The following EYS variants were observed in gnomAD, a reference collection of about 807,000 sequenced individuals.
EYS encodes the protein protein eyes shut homolog.
In EYS, 250 loss-of-function variants were observed where a neutral mutation model predicts 282.1. The ratio of observed to expected loss-of-function variants is 0.89; its 90% CI spans 0.80 to 0.98. The LOEUF is 0.98. EYS is among the 50% of genes least tolerant of loss of function. The pLI is 0.00. For missense variants in EYS, 4,016 were observed against 3,709.0 expected, an observed-to-expected ratio of 1.08 and a Z score of -2.15; for synonymous variants, 1,355 against 1,282.9, an observed-to-expected ratio of 1.06 and a Z score of -1.20.
chr6:64,307,298 G>A lies in EYS; in HGVS notation c.6079-216C>T, dbSNP rs115886101. On this transcript the variant is annotated intron_variant, in intron 29 of 42. Transcript: ENST00000503581. Reference sequence around the variant, plus strand: ...TATCTTGGCTATTATGAATAATGCTGCAATGAACATGGGCAAAATTATAAA... The same window carrying A: ...TATCTTGGCTATTATGAATAATGCTACAATGAACATGGGCAAAATTATAAA... Among the ~76,000 whole-genome samples the A allele has an allele frequency of 0.015, 2,271 of 152,082 alleles. 15 individuals carry two copies. Among genetic ancestry groups the A allele is most frequent in the East Asian group, 0.033 (170 of 5,178 alleles).
intron 29 of EYS, among the ~76,000 whole-genome samples, chr6:64,357,523 G>A (rs1723206051): frequency 6.6e-6 from 1 of 151,500 alleles, no homozygotes; most frequent in Non-Finnish European, 1.5e-5. Flanking sequence ...GACATATCTG[G>A]CTAACTTACC....
chr6:65,605,167 A>G (rs890609035), intron 2 of EYS, among the ~76,000 whole-genome samples: 5 of 151,798 alleles, frequency 3.3e-5, no homozygotes, highest in Non-Finnish European at 7.4e-5. Context: ...TGAAATTTTC[A>G]TAATAAAATG....
chr6:63,733,859 T>A (rs1193607088), intron 41 of EYS, among the ~76,000 whole-genome samples: 1 of 152,110 alleles, frequency 6.6e-6, no homozygotes, highest in Admixed American at 6.6e-5. Context: ...CTCCATCTTA[T>A]AAGGCAGTAA....
intron 13 of EYS, among the ~76,000 whole-genome samples, chr6:65,045,753 G>T (rs1447172136): frequency 6.6e-6 from 1 of 151,818 alleles, no homozygotes; most frequent in Non-Finnish European, 1.5e-5. Context: ...TGAAATATTT[G>T]CTAAGAGGTT....
chr6:64,062,874 C>G (rs1771226653), intron 33 of EYS, among the ~76,000 whole-genome samples: 1 of 151,994 alleles, frequency 6.6e-6, no homozygotes, highest in Non-Finnish European at 1.5e-5. Context: ...CAAATTAAAA[C>G]TTCAAAGAGT....
chr6:65,682,864 A>T (rs972266156), intron 1 of EYS, among the ~76,000 whole-genome samples: 17 of 152,120 alleles, frequency 1.1e-4, no homozygotes, highest in Non-Finnish European at 2.1e-4. Context: ...CTGAGGGAAC[A>T]GTAAATACCA....
At chr6:63,967,380 C>G (rs1395514143) in intron 35 of EYS, among the ~76,000 whole-genome samples, 1 of 152,168 alleles carries the variant, frequency 6.6e-6, no homozygotes, top group African/African-American at 2.4e-5. Flanking sequence ...TAATTGTGGA[C>G]TACTGTGTAG....
intron 12 of EYS, among the ~76,000 whole-genome samples, chr6:65,263,679 C>A (rs1374475493): frequency 6.8e-6 from 1 of 147,410 alleles, no homozygotes; most frequent in Non-Finnish European, 1.5e-5. Flanking sequence ...GAACTTCAAC[C>A]TAAAAAGCAA....
rs1562066227 is a variant in EYS at position 63,863,680 on chromosome 6, T to TTTTCTTTTCTTTC, written c.7228+505_7228+506insGAAAGAAAAGAAA. ...TTTCTTTTCTTTTCTTTTTTCTTTT[T>TTTTCTTTTCTTTC]TTTTTTTTTTTTTGAGATGGAGTCT... On this transcript the variant is annotated intron_variant, in intron 36 of 42. Coordinates refer to ENST00000503581, the MANE Select transcript of EYS (RefSeq NM_001142800.2). 3.3e-4 allele frequency among the ~76,000 whole-genome samples: 41 copies of TTTTCTTTTCTTTC among 125,462 alleles called. 2 individuals carry two copies. The highest frequency in any genetic ancestry group is 4.1e-3 in the Middle Eastern group (1 of 244). 82.3% of individuals were successfully genotyped at this position (125,462 alleles called of 152,430 possible).
chr6:64,914,281 C>T (rs1344096943), intron 15 of EYS, among the ~76,000 whole-genome samples: 1 of 152,036 alleles, frequency 6.6e-6, no homozygotes, highest in Non-Finnish European at 1.5e-5. Context: ...GAACTTGTGT[C>T]AATTTGTGGG....
At chr6:64,044,237 A>G (rs1402538067) in intron 33 of EYS, among the ~76,000 whole-genome samples, 1 of 152,232 alleles carries the variant, frequency 6.6e-6, no homozygotes, top group Admixed American at 6.5e-5. Context: ...CAGGTCCTAC[A>G]TTGAATGGAA....
At chr6:63,999,713 G>A (rs139449176) in intron 33 of EYS, among the ~76,000 whole-genome samples, 2 of 152,242 alleles carry the variant, frequency 1.3e-5, no homozygotes, top group African/African-American at 4.8e-5. Context: ...CTAATGTATC[G>A]GCTGGTACTG....
intron 7 of EYS, among the ~76,000 whole-genome samples, chr6:65,394,982 T>G (rs2150359202): frequency 6.6e-6 from 1 of 151,882 alleles, no homozygotes; most frequent in East Asian, 1.9e-4. Context: ...CCAACCTTCC[T>G]GAGCATCCCC....
rs144200033 is a variant in EYS at position 65,266,989 on chromosome 6, T to TATATATAGAG, written c.2023+28873_2023+28874insCTCTATATAT. Among the ~76,000 whole-genome samples, 659 of 142,104 alleles carry TATATATAGAG rather than the reference T, an allele frequency of 4.6e-3. 4 individuals are homozygous for TATATATAGAG. Among genetic ancestry groups the TATATATAGAG allele is most frequent in the East Asian group, 0.023 (111 of 4,922 alleles). 93.2% of individuals were successfully genotyped at this position (142,104 alleles called of 152,430 possible). ...ACACATACCTTGACATATATATATA[T>TATATATAGAG]AGAGAGAGAGAGAGAGAGAGATCAC... On this transcript the variant is annotated intron_variant, in intron 12 of 42. Coordinates refer to ENST00000503581, the MANE Select transcript of EYS (RefSeq NM_001142800.2).
At chr6:65,479,365 G>A (rs1765523522) in intron 5 of EYS, among the ~76,000 whole-genome samples, 5 of 152,188 alleles carry the variant, frequency 3.3e-5, no homozygotes, top group Admixed American at 3.3e-4. Context: ...ATATGCAAAG[G>A]ATCTAGAATT....
intron 28 of EYS, among the ~76,000 whole-genome samples, chr6:64,430,576 T>C (rs1327512020): frequency 6.6e-6 from 1 of 152,194 alleles, no homozygotes; most frequent in African/African-American, 2.4e-5. Flanking sequence ...TTATAAATTG[T>C]GTTTACTGAT....
At chr6:65,664,349 T>C (rs1768128550) in intron 1 of EYS, among the ~76,000 whole-genome samples, 1 of 151,980 alleles carries the variant, frequency 6.6e-6, no homozygotes, top group African/African-American at 2.4e-5. Flanking sequence ...CAAGAAGTGT[T>C]ATGGAAATGA....
intron 30 of EYS, among the ~76,000 whole-genome samples, chr6:64,297,058 T>C (rs773765221): frequency 3.3e-5 from 5 of 152,256 alleles, no homozygotes; most frequent in Admixed American, 1.3e-4. Flanking sequence ...TTCTTAGTCA[T>C]GTGGCAGGCA....
chr6:64,450,506 A>G (rs983612056), intron 26 of EYS, among the ~76,000 whole-genome samples: 2 of 152,152 alleles, frequency 1.3e-5, no homozygotes, highest in African/African-American at 4.8e-5. Context: ...CACCAAGTAG[A>G]CCTAATAGAC....
Sources: gnomAD v4.1 joint callset for allele counts (sites outside exome capture counted in the v4.1 genomes callset) on GRCh38, gnomAD v4.1.1 for gene constraint, MANE v1.5 for transcripts, NCBI Gene and HGNC (gene_info 2026-07-23, HGNC 2026-07-21) for gene names.